The following TBX19 variants were observed in gnomAD, a reference collection of about 807,000 sequenced individuals.
TBX19 encodes the protein T-box transcription factor TBX19.
In TBX19, 33 loss-of-function variants were observed where a neutral mutation model predicts 40.9. That is an observed-to-expected ratio of 0.81 (90% confidence interval 0.61 to 1.08). The LOEUF is 1.08. TBX19 is among the 50% of genes least tolerant of loss of function. TBX19 has a pLI of 0.00. For synonymous variants in TBX19, 220 were observed against 225.0 expected (o/e 0.98, Z 0.20); for missense variants, 494 against 574.0 (o/e 0.86, Z 1.42).
Position 168,281,292 on chromosome 1 carries a change from A to C in TBX19, c.202A>C (p.Arg68=). The C allele has an allele frequency of 6.2e-7, 1 of 1,614,154 alleles. No individual in the cohort carries two copies. The change falls in exon 1 of 8, where the codon AGA becomes CGA. Residue 68 remains arginine, a splice_region_variant and synonymous_variant. Transcript: ENST00000367821. ...TNEMIVTKNG[R]RMFPVLKISV... Reference sequence around the variant, plus strand: ...TGAGATGATTGTGACCAAGAATGGCAGGTGAGTTTATCTGCCGCCCCGCGT... The same window carrying C: ...TGAGATGATTGTGACCAAGAATGGCCGGTGAGTTTATCTGCCGCCCCGCGT...
At position 168,313,147 on chromosome 1, in the gene TBX19, T is replaced by C. The variant is rs1230839215; in HGVS notation, c.*145T>C. On this transcript the variant is annotated 3_prime_UTR_variant, in exon 8 of 8. Transcript: ENST00000367821. ...AGGTGGGTTATTACAGAAGTCATACTGGGAGAGGGTTCAGTTTGGATGATG... is the reference window on the plus strand; with the variant it reads ...AGGTGGGTTATTACAGAAGTCATACCGGGAGAGGGTTCAGTTTGGATGATG... 3 of 965,166 alleles carry C rather than the reference T, an allele frequency of 3.1e-6. No individual in the cohort carries two copies. Among genetic ancestry groups the C allele is most frequent in the Non-Finnish European group, 4.8e-6 (3 of 631,524 alleles). 59.8% of individuals were successfully genotyped at this position (965,166 alleles called of 1,614,324 possible).
Position 168,286,399 on chromosome 1 carries a change from T to C in TBX19, c.204-4761T>C, listed in dbSNP as rs190042081. On this transcript the variant is annotated intron_variant, in intron 1 of 7. Coordinates refer to ENST00000367821, the MANE Select transcript of TBX19 (RefSeq NM_005149.3). ...CCCTGCGCCCTTAGCAGTCACCTCCTCTGGCAACCACTAATCTACTTTCTG... is the reference window on the plus strand; with the variant it reads ...CCCTGCGCCCTTAGCAGTCACCTCCCCTGGCAACCACTAATCTACTTTCTG... Among the ~76,000 whole-genome samples the C allele has an allele frequency of 4.8e-3, 734 of 152,332 alleles. 7 individuals carry two copies. Among genetic ancestry groups the C allele is most frequent in the African/African-American group, 0.017 (708 of 41,570 alleles).
chr1:168,299,005 C>T (rs576393024), intron 4 of TBX19, among the ~76,000 whole-genome samples: 1 of 149,054 alleles, frequency 6.7e-6, no homozygotes, highest in South Asian at 2.1e-4. Flanking sequence ...CTTCTGCTTC[C>T]TGGGTGCAAG....
chr1:168,313,335 G>T lies in TBX19; in HGVS notation c.*333G>T. 1 of 393,810 alleles carries T rather than the reference G, an allele frequency of 2.5e-6. No individual in the cohort carries two copies. Among genetic ancestry groups the T allele is most frequent in the South Asian group, 2.3e-5 (1 of 42,798 alleles). 24.4% of individuals were successfully genotyped at this position (393,810 alleles called of 1,614,324 possible). ...TGGAAAGCCTCACTTCCTTTTCTGTGGAGAAGGTGCAAAGCTGTTAAATGA... is the reference window on the plus strand; with the variant it reads ...TGGAAAGCCTCACTTCCTTTTCTGTTGAGAAGGTGCAAAGCTGTTAAATGA... On this transcript the variant is annotated 3_prime_UTR_variant, in exon 8 of 8. Coordinates refer to ENST00000367821, the MANE Select transcript of TBX19 (RefSeq NM_005149.3).
At chr1:168,306,002 A>G (rs60518685) in intron 6 of TBX19, among the ~76,000 whole-genome samples, 8,873 of 152,310 alleles carry the variant, frequency 0.058, 418 homozygotes, top group East Asian at 0.2. Flanking sequence ...GAAAAGATTG[A>G]CAATAAAACA....
chr1:168,313,679 A>G lies in TBX19; in HGVS notation c.*677A>G, dbSNP rs938480102. Reference sequence around the variant, plus strand: ...TATAATCTCAGCCCTTTTGGAGGCCAAGGTAAGAGGATCGCTTGAGGTCAG... The same window carrying G: ...TATAATCTCAGCCCTTTTGGAGGCCGAGGTAAGAGGATCGCTTGAGGTCAG... On this transcript the variant is annotated 3_prime_UTR_variant, in exon 8 of 8. Transcript: ENST00000367821. 3.3e-5 allele frequency: 5 copies of G among 153,128 alleles called. No individual in the cohort carries two copies. Among genetic ancestry groups the G allele is most frequent in the Non-Finnish European group, 7.3e-5 (5 of 68,782 alleles). 9.5% of individuals were successfully genotyped at this position (153,128 alleles called of 1,614,324 possible).
At position 168,295,282 on chromosome 1, in the gene TBX19, C is replaced by T. The variant is rs117741787; in HGVS notation, c.603+2004C>T. On this transcript the variant is annotated intron_variant, in intron 3 of 7. Coordinates refer to ENST00000367821, the MANE Select transcript of TBX19 (RefSeq NM_005149.3). Reference sequence around the variant, plus strand: ...CTCCATCCTGGGTGAGAGAGCAAGACTTGGTCTCAGGAAAAAAAAAAAGAT... The same window carrying T: ...CTCCATCCTGGGTGAGAGAGCAAGATTTGGTCTCAGGAAAAAAAAAAAGAT... Among the ~76,000 whole-genome samples the T allele has an allele frequency of 3.1e-4, 47 of 150,998 alleles. No individual in the cohort carries two copies. The East Asian group carries it at 8.9e-3, about 29-fold the overall frequency.
At chr1:168,298,826 T>TCCTCC in intron 4 of TBX19, among the ~76,000 whole-genome samples, 1 of 24,250 alleles carries the variant, frequency 4.1e-5, no homozygotes, top group South Asian at 1.7e-3. Flanking sequence ...TCCCTTCCTT[T>TCCTCC]CTTTCTTTCT....
intron 1 of TBX19, 113 bp downstream of exon 1, chr1:168,281,406 A>C: frequency 1.0e-6 from 1 of 989,938 alleles, no homozygotes; most frequent in Non-Finnish European, 1.6e-6. Flanking sequence ...GATCTGATTA[A>C]ACATGCTTAC....
intron 3 of TBX19, among the ~76,000 whole-genome samples, chr1:168,294,484 C>CTAATTA (rs1649051264): frequency 1.3e-5 from 2 of 151,640 alleles, no homozygotes; most frequent in South Asian, 4.2e-4. Context: ...CAGGCACCTG[C>CTAATTA]CACCACGCCT....
At chr1:168,293,789 G>A (rs1649027132) in intron 3 of TBX19, among the ~76,000 whole-genome samples, 1 of 152,156 alleles carries the variant, frequency 6.6e-6, no homozygotes, top group East Asian at 1.9e-4. Flanking sequence ...CCGCCTGGCT[G>A]TGAGGGCTGA....
At chr1:168,304,254 G>T (rs547659220) in intron 5 of TBX19, among the ~76,000 whole-genome samples, 1 of 152,290 alleles carries the variant, frequency 6.6e-6, no homozygotes, top group South Asian at 2.1e-4. Flanking sequence ...CTTTTTCAGA[G>T]GCAATTTCAG....
chr1:168,292,341 T>C (rs951342996), intron 2 of TBX19, among the ~76,000 whole-genome samples: 2 of 152,176 alleles, frequency 1.3e-5, no homozygotes, highest in African/African-American at 4.8e-5. Context: ...AGACTGTCAT[T>C]ACACCTTTCA....
At chr1:168,284,523 A>G (rs1418985393) in intron 1 of TBX19, among the ~76,000 whole-genome samples, 1 of 152,080 alleles carries the variant, frequency 6.6e-6, no homozygotes, top group Non-Finnish European at 1.5e-5. Context: ...AAAAATTTAA[A>G]CAACTAGCCA....
At chr1:168,290,706 T>C (rs1349572167) in intron 1 of TBX19, among the ~76,000 whole-genome samples, 1 of 152,140 alleles carries the variant, frequency 6.6e-6, no homozygotes, top group Non-Finnish European at 1.5e-5. Context: ...CCCAGCTAAT[T>C]TCTTTTTTTT....
At chr1:168,305,790 A>G (rs1022025920) in intron 6 of TBX19, among the ~76,000 whole-genome samples, 2 of 152,104 alleles carry the variant, frequency 1.3e-5, no homozygotes, top group African/African-American at 4.8e-5. Flanking sequence ...TGCCTTTTCC[A>G]CCTTTGCCTT....
In TBX19 at chr1:168,298,824, T is replaced by TTCC. The variant is rs1491298468; in HGVS notation, c.665+1040_665+1041insCCT. The stretch of plus-strand genomic sequence containing the variant: ...TCCCCTCCCTCCCTCCCTCCCTTCC[T>TTCC]TTCTTTCTTTCTTTCTTTCTTTCTT... On this transcript the variant is annotated intron_variant, in intron 4 of 7. Transcript: ENST00000367821. 3.7e-4 allele frequency among the ~76,000 whole-genome samples: 5 copies of TTCC among 13,344 alleles called. 1 individual carries two copies. Among genetic ancestry groups the TTCC allele is most frequent in the Non-Finnish European group, 5.1e-4 (4 of 7,810 alleles). The allele number at this position is 13,344 out of a possible 152,430, so 8.8% of individuals were successfully genotyped here. A position where few individuals can be genotyped will look rare whatever the true frequency, so the allele number is the denominator to read the frequency against.
intron 1 of TBX19, among the ~76,000 whole-genome samples, chr1:168,289,079 G>T (rs987066194): frequency 2.6e-5 from 4 of 152,264 alleles, no homozygotes; most frequent in African/African-American, 9.6e-5. Context: ...GTAAACTTTA[G>T]TACTTCAGAA....
chr1:168,306,402 C>T (rs1189176992), intron 6 of TBX19, among the ~76,000 whole-genome samples: 4 of 151,814 alleles, frequency 2.6e-5, no homozygotes, highest in African/African-American at 7.3e-5. Context: ...CTGAGGCGGG[C>T]GGATCACAAG....
Sources: allele counts gnomAD v4.1 joint callset (sites outside exome capture counted in the v4.1 genomes callset), GRCh38; gene constraint gnomAD v4.1.1; transcripts MANE v1.5; gene names NCBI Gene and HGNC (gene_info 2026-07-23, HGNC 2026-07-21).